Variants in ULK2 observed in about 807,000 individuals in gnomAD.
ULK2 encodes unc-51 like autophagy activating kinase 2.
ULK2 carries 76 observed loss-of-function variants against 127.5 expected under a neutral mutation model. The observed-to-expected ratio is 0.60, with a 90% CI of 0.50 to 0.72. The LOEUF is 0.72. Ranked by LOEUF, ULK2 falls within the 30% of genes least tolerant of loss-of-function variation. The probability of loss-of-function intolerance (pLI) is 0.00; values close to 1 mark genes in which losing one functional copy is unlikely to be tolerated. For synonymous variants in ULK2, 452 were observed against 461.9 expected, an observed-to-expected ratio of 0.98 and a Z score of 0.28; for missense variants, 1,144 against 1,295.9, an observed-to-expected ratio of 0.88 and a Z score of 1.80.
intron 14 of ULK2, 90 bp downstream of exon 14, chr17:19,810,288 A>G: frequency 1.2e-6 from 1 of 849,906 alleles, no homozygotes; most frequent in Non-Finnish European, 1.8e-6. Context: ...AACAAAATAA[A>G]TCTTAAATCA....
chr17:19,814,440 T>TATATATATATATATATACACATATATA (rs1567696572), intron 13 of ULK2, among the ~76,000 whole-genome samples: 4 of 7,074 alleles, frequency 5.7e-4, no homozygotes, highest in African/African-American at 1.5e-3. Flanking sequence ...ATATATATAT[T>TATATATATATATATATACACATATATA]TTTTTTTTTT....
intron 3 of ULK2, among the ~76,000 whole-genome samples, chr17:19,851,288 C>T (rs2042008490): frequency 7.1e-6 from 1 of 140,878 alleles, no homozygotes; most frequent in South Asian, 2.2e-4. Context: ...GATCGTACCA[C>T]TGCACTCCAG....
chr17:19,855,305 G>A (rs561638561), intron 3 of ULK2, among the ~76,000 whole-genome samples: 1 of 151,980 alleles, frequency 6.6e-6, no homozygotes, highest in Non-Finnish European at 1.5e-5. Context: ...GCGGGAGGCT[G>A]AGGCAGGAGA....
At chr17:19,813,980 T>G (rs554816209) in intron 13 of ULK2, among the ~76,000 whole-genome samples, 1 of 152,090 alleles carries the variant, frequency 6.6e-6, no homozygotes, top group Non-Finnish European at 1.5e-5. Context: ...GGGCCAAGAA[T>G]AGCCAGAGTG....
intron 7 of ULK2, among the ~76,000 whole-genome samples, chr17:19,844,801 A>G (rs1296460064): frequency 6.6e-6 from 1 of 152,292 alleles, no homozygotes; most frequent in Non-Finnish European, 1.5e-5. Flanking sequence ...TAGAAGTTTC[A>G]TAGCCTAACC....
intron 5 of ULK2, 24 bp downstream of exon 5, chr17:19,849,345 A>AC (rs1216178291): frequency 1.2e-6 from 2 of 1,603,272 alleles, no homozygotes; most frequent in Non-Finnish European, 1.7e-6. Flanking sequence ...TCTTTACTGA[A>AC]CACTGACACA....
intron 25 of ULK2, among the ~76,000 whole-genome samples, chr17:19,780,189 A>G (rs1233740638): frequency 2.0e-5 from 3 of 149,366 alleles, no homozygotes; most frequent in East Asian, 2.0e-4. Context: ...AAAAAAAAAG[A>G]AAAAAAAAAG....
chr17:19,841,421 CACAA>C (rs1012609241), intron 9 of ULK2, 64 bp downstream of exon 9: 8 of 1,419,964 alleles, frequency 5.6e-6, no homozygotes, highest in Non-Finnish European at 6.7e-6. Context: ...ATACACAAAA[CACAA>C]ACAGTTCAAA....
intron 22 of ULK2, 89 bp downstream of exon 22, chr17:19,783,608 A>T (rs2086965159): frequency 8.0e-7 from 1 of 1,253,340 alleles, no homozygotes; most frequent in African/African-American, 1.5e-5. Flanking sequence ...TAACTTCCTA[A>T]CTATTTAATG....
intron 15 of ULK2, among the ~76,000 whole-genome samples, chr17:19,803,594 A>T (rs1272387689): frequency 6.6e-6 from 1 of 152,232 alleles, no homozygotes; most frequent in Admixed American, 6.5e-5. Flanking sequence ...ATATACTGTT[A>T]ATCACTTTAC....
intron 21 of ULK2, 33 bp downstream of exon 21, chr17:19,785,904 G>C (rs755689014): frequency 6.4e-5 from 101 of 1,590,372 alleles, no homozygotes; most frequent in Non-Finnish European, 8.3e-5. Flanking sequence ...CCAAATACTA[G>C]CCAAAGACTG....
intron 14 of ULK2, among the ~76,000 whole-genome samples, chr17:19,809,151 A>G (rs1003041495): frequency 1.3e-5 from 2 of 152,208 alleles, no homozygotes; most frequent in Non-Finnish European, 2.9e-5. Context: ...TCATTATGCT[A>G]AGTGAAATAA....
Position 19,804,827 on chromosome 17 carries a change from C to G in ULK2, c.1161G>C (p.Gln387His). 1 of 1,610,910 alleles carries G rather than the reference C, an allele frequency of 6.2e-7. No homozygotes were observed. The highest frequency in any genetic ancestry group is 8.5e-7 in the Non-Finnish European group (1 of 1,178,758). ...TGTGAGGTGACACAGTAGGCTGACA[C>G]TGCCTGCAATCGTAATTTATTGAAA... ...ASNEFLVCGG[Q>H]CQPTVSPHSE... Residue 387 changes from glutamine to histidine, a missense_variant, in exon 15 of 27, where the codon CAG becomes CAC. Coordinates refer to ENST00000395544, the MANE Select transcript of ULK2 (RefSeq NM_014683.4).
intron 18 of ULK2, among the ~76,000 whole-genome samples, 174 bp from the exon 19 acceptor site, chr17:19,796,456 A>G (rs559935288): frequency 9.7e-4 from 147 of 152,270 alleles, no homozygotes; most frequent in Non-Finnish European, 1.9e-3. Flanking sequence ...AGGTTTTACA[A>G]AAGTTAGGAT....
intron 3 of ULK2, among the ~76,000 whole-genome samples, chr17:19,855,575 G>A (rs373508666): frequency 1.3e-4 from 19 of 145,098 alleles, no homozygotes; most frequent in African/African-American, 4.6e-4. Context: ...ACTCCAGCCT[G>A]GGCAACAGAG....
intron 6 of ULK2, among the ~76,000 whole-genome samples, chr17:19,846,050 T>C (rs867356698): frequency 6.6e-6 from 1 of 152,068 alleles, no homozygotes; most frequent in African/African-American, 2.4e-5. Context: ...CTCTTGAACC[T>C]GGGAGGCAGA....
chr17:19,789,923 A>C (rs551490130), intron 20 of ULK2, among the ~76,000 whole-genome samples: 91 of 151,984 alleles, frequency 6.0e-4, no homozygotes, highest in Non-Finnish European at 1.1e-3. Context: ...AAAAAAAAAA[A>C]AACAAAAACT....
At chr17:19,839,190 A>G (rs2041674806) in intron 9 of ULK2, among the ~76,000 whole-genome samples, 1 of 152,278 alleles carries the variant, frequency 6.6e-6, no homozygotes, top group South Asian at 2.1e-4. Flanking sequence ...TCAATCTTGC[A>G]CTAATAGTTG....
At chr17:19,840,276 TACA>T in intron 9 of ULK2, 2 of 525,954 alleles carry the variant, frequency 3.8e-6, no homozygotes, top group South Asian at 2.8e-5. Context: ...CCTGCTTCAG[TACA>T]ACAACCCCAA....
Sources: gnomAD v4.1 joint callset for allele counts (sites outside exome capture counted in the v4.1 genomes callset) on GRCh38, gnomAD v4.1.1 for gene constraint, MANE v1.5 for transcripts, NCBI Gene and HGNC (gene_info 2026-07-23, HGNC 2026-07-21) for gene names.